Variants in ESF1 observed in about 807,000 individuals in gnomAD.
ESF1 encodes ESF1 homolog.
In ESF1, 58 loss-of-function variants were observed where a neutral mutation model predicts 92.0. The ratio of observed to expected loss-of-function variants is 0.63; its 90% confidence interval spans 0.51 to 0.78. The LOEUF is 0.78. Ranked by LOEUF, ESF1 falls within the 30% of genes least tolerant of loss-of-function variation. The probability of loss-of-function intolerance (pLI) is 0.00; values close to 1 mark genes in which losing one functional copy is unlikely to be tolerated. For synonymous variants in ESF1, 321 were observed against 313.7 expected (o/e 1.02, Z -0.24); for missense variants, 922 against 989.1 (o/e 0.93, Z 0.91).
intron 9 of ESF1, among the ~76,000 whole-genome samples, chr20:13,751,289 T>C (rs183995354): frequency 6.6e-6 from 1 of 152,346 alleles, no homozygotes; most frequent in Non-Finnish European, 1.5e-5. Context: ...AAAGTTTTGC[T>C]TTCCAGACCA....
In ESF1 at chr20:13,717,525, C is replaced by A; in HGVS notation, c.2116-11G>T. The A allele has an allele frequency of 5.0e-6, 8 of 1,603,764 alleles. No homozygotes were observed. The Admixed American group carries it at 7.0e-5, about 14-fold the overall frequency. ...CAAAGCCATTTCAGCCTGTAGAGAG[C>A]AAAAAAAAGTTCAAATGTACAACAG... On this transcript the variant is annotated splice_polypyrimidine_tract_variant and intron_variant, in intron 12 of 13. Transcript: ENST00000617257.
intron 1 of ESF1, 56 bp from the exon 2 acceptor site, chr20:13,783,239 G>T: frequency 1.8e-6 from 2 of 1,123,576 alleles, no homozygotes; most frequent in Non-Finnish European, 2.3e-6. Context: ...ATAATTAAAT[G>T]TTTTAAAACA....
intron 11 of ESF1, among the ~76,000 whole-genome samples, chr20:13,723,530 C>T (rs1021306841): frequency 7.4e-5 from 7 of 94,914 alleles, no homozygotes; most frequent in Non-Finnish European, 1.6e-4. Context: ...TCTCATTTGA[C>T]ACCAAGTTTG....
At chr20:13,758,068 C>T (rs1380742416) in intron 9 of ESF1, among the ~76,000 whole-genome samples, 1 of 82,344 alleles carries the variant, frequency 1.2e-5, no homozygotes, top group Non-Finnish European at 2.7e-5. Flanking sequence ...GATTTACTGA[C>T]ACAGAGAGCT....
intron 8 of ESF1, 140 bp from the exon 9 acceptor site, chr20:13,759,993 G>T: frequency 7.5e-7 from 1 of 1,327,978 alleles, no homozygotes; most frequent in Non-Finnish European, 9.8e-7. Flanking sequence ...AATATTAAAT[G>T]AAAGACTTAG....
At chr20:13,764,500 C>T (rs1044933895) in intron 8 of ESF1, among the ~76,000 whole-genome samples, 2 of 152,204 alleles carry the variant, frequency 1.3e-5, no homozygotes, top group Non-Finnish European at 2.9e-5. Flanking sequence ...CAACCCTAGG[C>T]ACAGTCGAAA....
At chr20:13,774,020 G>A (rs892690803) in intron 4 of ESF1, among the ~76,000 whole-genome samples, 43 of 152,076 alleles carry the variant, frequency 2.8e-4, no homozygotes, top group African/African-American at 9.9e-4. Context: ...GCGTGAACCC[G>A]GGAGGCGGAG....
intron 11 of ESF1, among the ~76,000 whole-genome samples, chr20:13,725,016 C>T (rs995941751): frequency 1.1e-4 from 17 of 152,104 alleles, no homozygotes; most frequent in African/African-American, 3.6e-4. Context: ...CAAATTTATA[C>T]GCCCCATCTT....
intron 13 of ESF1, among the ~76,000 whole-genome samples, chr20:13,715,453 G>A (rs1006581762): frequency 6.6e-6 from 1 of 152,038 alleles, no homozygotes; most frequent in Non-Finnish European, 1.5e-5. Flanking sequence ...TAACTACAAC[G>A]ACCACTTAGA....
At chr20:13,759,936 A>G in intron 8 of ESF1, 83 bp from the exon 9 acceptor site, 1 of 1,469,914 alleles carries the variant, frequency 6.8e-7, no homozygotes, top group Admixed American at 3.0e-5. Flanking sequence ...TCTCTTTTAA[A>G]AGATGCTGTT....
chr20:13,744,086 C>A (rs564527711), intron 9 of ESF1, among the ~76,000 whole-genome samples: 1 of 152,250 alleles, frequency 6.6e-6, no homozygotes, highest in South Asian at 2.1e-4. Flanking sequence ...AACAAACAAA[C>A]AAACCAATCA....
chr20:13,738,826 TATAAATGTC>T (rs970210205), intron 9 of ESF1, among the ~76,000 whole-genome samples: 5 of 152,276 alleles, frequency 3.3e-5, no homozygotes, highest in African/African-American at 1.2e-4. Flanking sequence ...GCACGCACCT[TATAAATGTC>T]TGCTGAATAA....
chr20:13,784,661 C>T (rs1568735587), intron 1 of ESF1, among the ~76,000 whole-genome samples: 1 of 152,060 alleles, frequency 6.6e-6, no homozygotes, highest in Non-Finnish European at 1.5e-5. Context: ...CCTCCTGTAC[C>T]GCAGGGGGGC....
chr20:13,756,243 C>T (rs1978888798), intron 9 of ESF1, among the ~76,000 whole-genome samples: 1 of 152,162 alleles, frequency 6.6e-6, no homozygotes, highest in African/African-American at 2.4e-5. Context: ...GTATAGCACA[C>T]AGAAAAACCC....
At chr20:13,784,142 T>C (rs1980469610) in intron 1 of ESF1, among the ~76,000 whole-genome samples, 2 of 152,280 alleles carry the variant, frequency 1.3e-5, no homozygotes, top group Admixed American at 1.3e-4. Context: ...AAGGCCCAAG[T>C]GAGCTCATTC....
At chr20:13,744,044 C>T (rs1447643645) in intron 9 of ESF1, among the ~76,000 whole-genome samples, 2 of 152,162 alleles carry the variant, frequency 1.3e-5, no homozygotes, top group South Asian at 2.1e-4. Context: ...TTCTAGCTTT[C>T]GTAGTGGGTG....
At chr20:13,756,564 T>G (rs1028228104) in intron 9 of ESF1, among the ~76,000 whole-genome samples, 1 of 152,202 alleles carries the variant, frequency 6.6e-6, no homozygotes, top group Non-Finnish European at 1.5e-5. Context: ...TGGGAAACTA[T>G]CCTATGAAAA....
At chr20:13,735,523 T>G (rs2049970463) in intron 9 of ESF1, among the ~76,000 whole-genome samples, 1 of 152,042 alleles carries the variant, frequency 6.6e-6, no homozygotes, top group Non-Finnish European at 1.5e-5. Flanking sequence ...ACCTAAGAAA[T>G]GTAAACTGGG....
chr20:13,773,581 A>G (rs1979786977), intron 4 of ESF1, among the ~76,000 whole-genome samples: 1 of 152,130 alleles, frequency 6.6e-6, no homozygotes, highest in South Asian at 2.1e-4. Context: ...TTGTCCAAAT[A>G]TTCAAGCAGC....
Sources: allele counts gnomAD v4.1 joint callset (sites outside exome capture counted in the v4.1 genomes callset), GRCh38; gene constraint gnomAD v4.1.1; transcripts MANE v1.5; gene names NCBI Gene and HGNC (gene_info 2026-07-23, HGNC 2026-07-21).